Variants in MFSD2B observed in about 807,000 individuals in gnomAD.
MFSD2B encodes the protein sphingosine-1-phosphate transporter MFSD2B.
A neutral mutation model predicts 58.4 loss-of-function variants in MFSD2B; 56 were observed. That is an observed-to-expected ratio of 0.96 (90% CI 0.77 to 1.20). The LOEUF (loss-of-function observed/expected upper bound fraction) is 1.20. MFSD2B is among the 50% of genes most tolerant of loss of function. MFSD2B has a pLI of 0.00. For missense variants in MFSD2B, 645 were observed against 667.6 expected (o/e 0.97, Z 0.37); for synonymous variants, 287 against 294.4 (o/e 0.97, Z 0.26).
chr2:24,017,196 G>C lies in MFSD2B; in HGVS notation c.472-90G>C. 7.2e-7 allele frequency: 1 copy of C among 1,389,696 alleles called. No individual in the cohort carries two copies. The allele number at this position is 1,389,696 out of a possible 1,614,324, so 86.1% of individuals were successfully genotyped here. On this transcript the variant is annotated intron_variant, in intron 4 of 13. Transcript: ENST00000338315. The surrounding 1 kb of genome is among the most constrained non-coding windows in gnomAD (Gnocchi z 4.8). Reference sequence around the variant, plus strand: ...CTGGGATATGTCACGTTGGCCTGTGGGTGTCGGGATGTGACACCCAGGATG... The same window carrying C: ...CTGGGATATGTCACGTTGGCCTGTGCGTGTCGGGATGTGACACCCAGGATG...
chr2:24,010,101 C>A lies in MFSD2B; in HGVS notation c.5C>A (p.Ala2Glu). 1.4e-6 allele frequency: 2 copies of A among 1,433,432 alleles called. No individual in the cohort carries two copies. The highest frequency in any genetic ancestry group is 1.8e-6 in the Non-Finnish European group (2 of 1,099,918). 88.8% of individuals were successfully genotyped at this position (1,433,432 alleles called of 1,614,324 possible). ...GCGGGCGGCGCTGCGGTGGCAATGG[C>A]GGCGCCCCCTGCACCAGCCGCCAAG... MAAPPAPAAKGS... is the reference protein window; with the variant it reads MEAPPAPAAKGS... The change falls in exon 1 of 14, where the codon GCG becomes GAG. Residue 2 changes from alanine to glutamate, a missense_variant. Physicochemically the swap from Ala to Glu is moderately radical, Grantham distance 107. Transcript: ENST00000338315.
chr2:24,015,029 T>C (rs773611361), intron 2 of MFSD2B, among the ~76,000 whole-genome samples: 9 of 152,004 alleles, frequency 5.9e-5, no homozygotes, highest in Middle Eastern at 3.2e-3. Context: ...TGAGGCAGGA[T>C]AATTGCTTGA....
In MFSD2B at chr2:24,024,116, G is replaced by A. The variant is rs1252923273; in HGVS notation, c.1335G>A (p.Gly445=). Residue 445 remains glycine (G), a synonymous_variant, in exon 13 of 14, where the codon GGG becomes GGA. Coordinates refer to ENST00000338315, the MANE Select transcript of MFSD2B (RefSeq NM_001346880.2). This position sits in a 1 kb window ranked among gnomAD's most constrained non-coding sequence, Gnocchi z 4.3. ...LSLEFSGYKA[G]VCKQAEEVVV... is the part of the protein sequence containing the mutation. ...CCAGGTTCTCGGGGTATAAGGCAGG[G>A]GTCTGCAAGCAAGCAGAGGAGGTGG... 1 of 1,613,706 alleles carries A rather than the reference G, an allele frequency of 6.2e-7. No homozygotes were observed. The highest frequency in any genetic ancestry group is 2.2e-5 in the East Asian group (1 of 44,872).
intron 1 of MFSD2B, among the ~76,000 whole-genome samples, chr2:24,011,665 AT>A (rs1372636169): frequency 6.6e-6 from 1 of 152,218 alleles, no homozygotes; most frequent in Non-Finnish European, 1.5e-5. Flanking sequence ...CTTCATGGCC[AT>A]TTATTGCTTC....
Position 24,017,085 on chromosome 2 carries a change from C to A in MFSD2B, c.471+117C>A. ...CCCTCCCCACCCGCCTGTGCCTGGA[C>A]CATGCCATTGGCACTCGCCAGCCTT... On this transcript the variant is annotated intron_variant, in intron 4 of 13. Transcript: ENST00000338315. This position sits in a 1 kb window ranked among gnomAD's most constrained non-coding sequence, Gnocchi z 4.8. 2 of 1,477,434 alleles carry A rather than the reference C, an allele frequency of 1.4e-6. No individual in the cohort carries two copies. The highest frequency in any genetic ancestry group is 1.8e-6 in the Non-Finnish European group (2 of 1,084,480). 91.5% of individuals were successfully genotyped at this position (1,477,434 alleles called of 1,614,324 possible). A position where few individuals can be genotyped will look rare whatever the true frequency, so the allele number is the denominator to read the frequency against.
In MFSD2B at chr2:24,020,621, G is replaced by A. The variant is rs1662740482; in HGVS notation, c.682-1027G>A. Among the ~76,000 whole-genome samples the A allele has an allele frequency of 6.6e-6, 1 of 152,166 alleles. No individual in the cohort carries two copies. Among genetic ancestry groups the A allele is most frequent in the Non-Finnish European group, 1.5e-5 (1 of 68,018 alleles). ...GCCACCCAGGCTGGAGTGCAATGGT[G>A]CAATCACAGCTCACAGCAACCTCGA... On this transcript the variant is annotated intron_variant, in intron 6 of 13. Transcript: ENST00000338315. This position sits in a 1 kb window ranked among gnomAD's most constrained non-coding sequence, Gnocchi z 4.1.
intron 1 of MFSD2B, among the ~76,000 whole-genome samples, chr2:24,011,497 C>T (rs1177706180): frequency 6.6e-6 from 1 of 152,070 alleles, no homozygotes; most frequent in Non-Finnish European, 1.5e-5. Flanking sequence ...TGTGATAAAC[C>T]CTTATCTGGG....
rs1165915675 is a variant in MFSD2B at position 24,023,585 on chromosome 2, C to T, written c.1172C>T (p.Ser391Phe). 6.2e-7 allele frequency: 1 copy of T among 1,613,638 alleles called. No homozygotes were observed. The highest frequency in any genetic ancestry group is 8.5e-7 in the Non-Finnish European group (1 of 1,179,700). The change falls in exon 12 of 14, where the codon TCC (serine) becomes TTC (phenylalanine). Residue 391 changes from serine to phenylalanine, a missense_variant and splice_region_variant. Transcript: ENST00000338315. This position sits in a 1 kb window ranked among gnomAD's most constrained non-coding sequence, Gnocchi z 5.0. The stretch of plus-strand genomic sequence containing the variant: ...CTAACTCCACACCCCCGCCGCAGGT[C>T]CATGCTGCCAGACGTGGTGGATGAC... ...SIAVSLLLPWSMLPDVVDDFQ... is the reference protein window; with the variant it reads ...SIAVSLLLPWFMLPDVVDDFQ...
In MFSD2B at chr2:24,023,308, C is replaced by G. The variant is rs776992776; in HGVS notation, c.1169+69C>G. On this transcript the variant is annotated intron_variant, in intron 11 of 13. Coordinates refer to ENST00000338315, the MANE Select transcript of MFSD2B (RefSeq NM_001346880.2). The surrounding 1 kb of genome is among the most constrained non-coding windows in gnomAD (Gnocchi z 5.0). ...CACCTCCTTCATGTAAACCTGCCGTCCCAGGCCCCCTGCACCCAGCCTGTG... is the reference window on the plus strand; with the variant it reads ...CACCTCCTTCATGTAAACCTGCCGTGCCAGGCCCCCTGCACCCAGCCTGTG... The G allele has an allele frequency of 4.6e-5, 59 of 1,281,276 alleles. No individual in the cohort carries two copies. The highest frequency in any genetic ancestry group is 6.5e-5 in the Non-Finnish European group (58 of 887,332). 79.4% of individuals were successfully genotyped at this position (1,281,276 alleles called of 1,614,324 possible).
rs1179139053 is a variant in MFSD2B at position 24,012,777 on chromosome 2, C to T, written c.97-508C>T. The T allele has an allele frequency of 6.5e-6, 1 of 152,862 alleles. No individual in the cohort carries two copies. The highest frequency in any genetic ancestry group is 2.4e-5 in the African/African-American group (1 of 41,462). 9.5% of individuals were successfully genotyped at this position (152,862 alleles called of 1,614,324 possible). On this transcript the variant is annotated intron_variant, in intron 1 of 13. Coordinates refer to ENST00000338315, the MANE Select transcript of MFSD2B (RefSeq NM_001346880.2). The surrounding 1 kb of genome is among the most constrained non-coding windows in gnomAD (Gnocchi z 4.5). ...ATGTAGACCATGCTAAGCTGAGACG[C>T]CTGCCAGGCATCCCTGGAGGGCTGT...
In MFSD2B at chr2:24,022,798, C is replaced by A. The variant is rs150239590; in HGVS notation, c.979-24C>A. ...AAAGGCGCTGGCAGCACGGCCCTGG[C>A]GTGACGATGCTGTCTGCTCACAGGT... On this transcript the variant is annotated intron_variant, in intron 9 of 13. Transcript: ENST00000338315. This position sits in a 1 kb window ranked among gnomAD's most constrained non-coding sequence, Gnocchi z 4.5. 2,950 of 1,526,896 alleles carry A rather than the reference C, an allele frequency of 1.9e-3. 5 individuals are homozygous for A. Among genetic ancestry groups the A allele is most frequent in the Admixed American group, 2.5e-3 (116 of 46,254 alleles). 94.6% of individuals were successfully genotyped at this position (1,526,896 alleles called of 1,614,324 possible).
Position 24,023,116 on chromosome 2 carries a change from G to A in MFSD2B, c.1060-14G>A. On this transcript the variant is annotated splice_polypyrimidine_tract_variant and intron_variant, in intron 10 of 13. Transcript: ENST00000338315. This position sits in a 1 kb window ranked among gnomAD's most constrained non-coding sequence, Gnocchi z 5.0. ...AAGCAGGTGGCGGGACAGCTGGTGT[G>A]TGTGTCTCCCCAGGCGATGGTGCCC... 1 of 1,604,288 alleles carries A rather than the reference G, an allele frequency of 6.2e-7. No homozygotes were observed. Among genetic ancestry groups the A allele is most frequent in the Non-Finnish European group, 8.5e-7 (1 of 1,173,986 alleles).
At position 24,024,565 on chromosome 2, in the gene MFSD2B, C is replaced by G. The variant is rs955571483; in HGVS notation, c.1490+294C>G. On this transcript the variant is annotated intron_variant, in intron 13 of 13. Coordinates refer to ENST00000338315, the MANE Select transcript of MFSD2B (RefSeq NM_001346880.2). This position sits in a 1 kb window ranked among gnomAD's most constrained non-coding sequence, Gnocchi z 4.3. ...TTGGTACCTCTTCTGCTAGCCTGAC[C>G]CAACTCAGGCACTCCTTGTGCCTGG... is the stretch of plus-strand genomic sequence containing the variant. Among the ~76,000 whole-genome samples the G allele has an allele frequency of 1.3e-5, 2 of 152,132 alleles. No homozygotes were observed. Among genetic ancestry groups the G allele is most frequent in the African/African-American group, 4.8e-5 (2 of 41,416 alleles).
Position 24,013,398 on chromosome 2 carries a change from T to C in MFSD2B, c.210T>C (p.Leu70=). Residue 70 remains leucine (L), a synonymous_variant, in exon 2 of 14, where the codon CTT becomes CTC. Coordinates refer to ENST00000338315, the MANE Select transcript of MFSD2B (RefSeq NM_001346880.2). ...ATAFYLQLFL[L]DIAQIPAAQV... The stretch of plus-strand genomic sequence containing the variant: ...CCTTTTACCTGCAGCTTTTCCTGCT[T>C]GATATAGCACAGGTAAGTGTGGGCA... The C allele has an allele frequency of 6.2e-7, 1 of 1,608,240 alleles. No individual in the cohort carries two copies. The highest frequency in any genetic ancestry group is 8.5e-7 in the Non-Finnish European group (1 of 1,177,446).
chr2:24,021,756 G>A lies in MFSD2B; in HGVS notation c.772+18G>A. On this transcript the variant is annotated intron_variant, in intron 7 of 13. Transcript: ENST00000338315. This position sits in a 1 kb window ranked among gnomAD's most constrained non-coding sequence, Gnocchi z 5.7. Reference sequence around the variant, plus strand: ...GCGGCCAGGTATGGGGTTTGGTGAGGAGGGAAGCAGAAGCTGGGGGCAGGG... The same window carrying A: ...GCGGCCAGGTATGGGGTTTGGTGAGAAGGGAAGCAGAAGCTGGGGGCAGGG... 1 of 1,612,950 alleles carries A rather than the reference G, an allele frequency of 6.2e-7. No individual in the cohort carries two copies. Among genetic ancestry groups the A allele is most frequent in the Non-Finnish European group, 8.5e-7 (1 of 1,179,400 alleles).
At position 24,017,101 on chromosome 2, in the gene MFSD2B, C is replaced by T. The variant is rs1573636825; in HGVS notation, c.471+133C>T. ...GTGCCTGGACCATGCCATTGGCACTCGCCAGCCTTGCGCGGGACTGGCTGC... is the reference window on the plus strand; with the variant it reads ...GTGCCTGGACCATGCCATTGGCACTTGCCAGCCTTGCGCGGGACTGGCTGC... On this transcript the variant is annotated intron_variant, in intron 4 of 13. Coordinates refer to ENST00000338315, the MANE Select transcript of MFSD2B (RefSeq NM_001346880.2). The surrounding 1 kb of genome is among the most constrained non-coding windows in gnomAD (Gnocchi z 4.8). 22 of 1,414,888 alleles carry T rather than the reference C, an allele frequency of 1.6e-5. No homozygotes were observed. The highest frequency in any genetic ancestry group is 9.4e-5 in the East Asian group (4 of 42,478). The allele number at this position is 1,414,888 out of a possible 1,614,324, so 87.6% of individuals were successfully genotyped here. A position where few individuals can be genotyped will look rare whatever the true frequency, so the allele number is the denominator to read the frequency against.
chr2:24,011,707 C>G (rs191403098), intron 1 of MFSD2B, among the ~76,000 whole-genome samples: 1 of 152,124 alleles, frequency 6.6e-6, no homozygotes, highest in Non-Finnish European at 1.5e-5. Context: ...CTACTGTATA[C>G]CAAGCTTTGT....
At position 24,013,075 on chromosome 2, in the gene MFSD2B, C is replaced by G. The variant is rs572390062; in HGVS notation, c.97-210C>G. 1.2e-5 allele frequency: 5 copies of G among 407,256 alleles called. No individual in the cohort carries two copies. In the South Asian group the frequency reaches 5.2e-4, roughly 42 times the overall value. The allele number at this position is 407,256 out of a possible 1,614,324, so 25.2% of individuals were successfully genotyped here. A position where few individuals can be genotyped will look rare whatever the true frequency, so the allele number is the denominator to read the frequency against. ...GTAAGATGTCCAGAAGAACTTCCCC[C>G]CTGGAAATGTTTAGAGGTCAGGGTT... On this transcript the variant is annotated intron_variant, in intron 1 of 13. Coordinates refer to ENST00000338315, the MANE Select transcript of MFSD2B (RefSeq NM_001346880.2).
Position 24,023,059 on chromosome 2 carries a change from G to A in MFSD2B, c.1060-71G>A, listed in dbSNP as rs1027095310. ...GGGCAAGGCATGGGGGTCGTCAGTCGAGTCGTGTGTGAAGGAGCAGGCCCC... is the reference window on the plus strand; with the variant it reads ...GGGCAAGGCATGGGGGTCGTCAGTCAAGTCGTGTGTGAAGGAGCAGGCCCC... On this transcript the variant is annotated intron_variant, in intron 10 of 13. Coordinates refer to ENST00000338315, the MANE Select transcript of MFSD2B (RefSeq NM_001346880.2). The surrounding 1 kb of genome is among the most constrained non-coding windows in gnomAD (Gnocchi z 5.0). 56 of 1,407,772 alleles carry A rather than the reference G, an allele frequency of 4.0e-5. No homozygotes were observed. Among genetic ancestry groups the A allele is most frequent in the Middle Eastern group, 3.5e-4 (2 of 5,678 alleles). The allele number at this position is 1,407,772 out of a possible 1,614,324, so 87.2% of individuals were successfully genotyped here.
Sources: gnomAD v4.1 joint callset for allele counts (sites outside exome capture counted in the v4.1 genomes callset) on GRCh38, gnomAD v4.1.1 for gene constraint, Gnocchi (gnomAD v3.1) non-coding constraint, MANE v1.5 for transcripts, NCBI Gene and HGNC (gene_info 2026-07-23, HGNC 2026-07-21) for gene names.